NDUFS4: variants seen among roughly 807,000 people sequenced by gnomAD.
NDUFS4 encodes the protein NADH dehydrogenase [ubiquinone] iron-sulfur protein 4, mitochondrial.
In NDUFS4, 28 loss-of-function variants were observed where a neutral mutation model predicts 24.3. The ratio of observed to expected loss-of-function variants is 1.15; its 90% confidence interval spans 0.85 to 1.58. NDUFS4 has a LOEUF of 1.58. Ranked by LOEUF, NDUFS4 falls within the 40% of genes most tolerant of loss-of-function variation. The probability of loss-of-function intolerance (pLI) is 0.00; values close to 1 mark genes in which losing one functional copy is unlikely to be tolerated. For missense variants in NDUFS4, 223 were observed against 207.9 expected, an observed-to-expected ratio of 1.07 and a Z score of -0.45; for synonymous variants, 93 against 69.7, an observed-to-expected ratio of 1.34 and a Z score of -1.67.
chr5:53,612,850 G>T (rs919532202), intron 2 of NDUFS4, among the ~76,000 whole-genome samples: 2 of 151,962 alleles, frequency 1.3e-5, no homozygotes, highest in African/African-American at 4.8e-5. Flanking sequence ...TTTATTACTC[G>T]AACTTATTCT....
chr5:53,641,200 TG>T (rs1751697706), intron 2 of NDUFS4, among the ~76,000 whole-genome samples: 1 of 152,126 alleles, frequency 6.6e-6, no homozygotes, highest in Admixed American at 6.6e-5. Context: ...TCATACATGA[TG>T]AAAAAGGAGT....
At chr5:53,612,003 A>AT (rs1428795874) in intron 2 of NDUFS4, among the ~76,000 whole-genome samples, 1 of 152,040 alleles carries the variant, frequency 6.6e-6, no homozygotes, top group Admixed American at 6.6e-5. Flanking sequence ...TTTTTAGCCC[A>AT]TTTTTTACAC....
intron 3 of NDUFS4, among the ~76,000 whole-genome samples, chr5:53,646,962 C>T (rs1019050116): frequency 2.6e-5 from 4 of 151,794 alleles, no homozygotes. Flanking sequence ...TGGAACTTGT[C>T]CCCCCTCAGA....
At chr5:53,604,721 T>C (rs1750443261) in intron 2 of NDUFS4, 1 of 456,040 alleles carries the variant, frequency 2.2e-6, no homozygotes, top group Non-Finnish European at 4.4e-6. Flanking sequence ...CCTTCCTCTC[T>C]AGGTTTATCT....
intron 2 of NDUFS4, among the ~76,000 whole-genome samples, chr5:53,618,395 A>G (rs985900141): frequency 6.6e-6 from 1 of 152,134 alleles, no homozygotes; most frequent in Admixed American, 6.5e-5. Context: ...TATAATTATT[A>G]TTCTTAATCA....
chr5:53,607,922 TAG>T (rs1175442856), intron 2 of NDUFS4, among the ~76,000 whole-genome samples: 3 of 152,200 alleles, frequency 2.0e-5, no homozygotes, highest in South Asian at 2.1e-4. Context: ...TTTTCAAAAA[TAG>T]AGTTTTTTAA....
chr5:53,617,049 G>T (rs1750861770), intron 2 of NDUFS4, among the ~76,000 whole-genome samples: 1 of 152,086 alleles, frequency 6.6e-6, no homozygotes, highest in South Asian at 2.1e-4. Flanking sequence ...TCTCTGCCCT[G>T]CCCCCTTCTC....
chr5:53,620,989 A>G (rs1018147648), intron 2 of NDUFS4, among the ~76,000 whole-genome samples: 9 of 152,200 alleles, frequency 5.9e-5, no homozygotes, highest in South Asian at 2.1e-4. Flanking sequence ...CACATTTTGT[A>G]TATCTTTACC....
intron 2 of NDUFS4, among the ~76,000 whole-genome samples, chr5:53,624,928 C>T (rs1276705451): frequency 6.6e-6 from 1 of 152,022 alleles, no homozygotes; most frequent in African/African-American, 2.4e-5. Flanking sequence ...TCAGTCTTTT[C>T]TGGGTTTGTG....
Position 53,681,018 on chromosome 5 carries a change from T to G in NDUFS4, c.425-2100T>G, listed in dbSNP as rs140865444. ...AAGTGTTTTCTCCTAGGTTAGATTA[T>G]AGCTAGCTATACCCGAAACAACACA... On this transcript the variant is annotated intron_variant, in intron 4 of 4. Transcript: ENST00000296684. Among the ~76,000 whole-genome samples, 1,402 of 152,148 alleles carry G rather than the reference T, an allele frequency of 9.2e-3. 17 individuals are homozygous for G. Among genetic ancestry groups the G allele is most frequent in the African/African-American group, 0.032 (1,328 of 41,496 alleles).
intron 4 of NDUFS4, among the ~76,000 whole-genome samples, chr5:53,666,080 T>C (rs1236643148): frequency 6.6e-6 from 1 of 152,244 alleles, no homozygotes; most frequent in Non-Finnish European, 1.5e-5. Flanking sequence ...ATAATTGTTT[T>C]CAAAAGTGGT....
At chr5:53,620,866 G>C (rs72753638) in intron 2 of NDUFS4, among the ~76,000 whole-genome samples, 14,095 of 152,192 alleles carry the variant, frequency 0.093, 792 homozygotes, top group Middle Eastern at 0.13. Flanking sequence ...CTAGTGTATG[G>C]TCTGTCTTGA....
At chr5:53,621,846 C>T (rs200030796) in intron 2 of NDUFS4, among the ~76,000 whole-genome samples, 1 of 151,618 alleles carries the variant, frequency 6.6e-6, no homozygotes, top group African/African-American at 2.4e-5. Flanking sequence ...GGACTACAGG[C>T]GTGCGCCACC....
At chr5:53,615,494 A>G (rs554511730) in intron 2 of NDUFS4, among the ~76,000 whole-genome samples, 27 of 152,138 alleles carry the variant, frequency 1.8e-4, no homozygotes, top group Admixed American at 2.6e-4. Context: ...GTCTGCTTCT[A>G]TTCTACTCTT....
chr5:53,660,014 T>A lies in NDUFS4; in HGVS notation c.424+1390T>A, dbSNP rs191638152. On this transcript the variant is annotated intron_variant, in intron 4 of 4. Transcript: ENST00000296684. ...TTCTGTTATTAATAGACTTTTTTTT[T>A]ATTTAAGTTTTAGGGTACATGTGCA... 6.6e-3 allele frequency among the ~76,000 whole-genome samples: 998 copies of A among 151,574 alleles called. 18 individuals carry two copies. Among genetic ancestry groups the A allele is most frequent in the African/African-American group, 0.022 (916 of 41,414 alleles).
intron 2 of NDUFS4, among the ~76,000 whole-genome samples, chr5:53,631,569 C>T (rs1039044312): frequency 1.2e-4 from 18 of 152,270 alleles, no homozygotes; most frequent in Non-Finnish European, 1.8e-4. Context: ...GCCTTTTGTT[C>T]GGTGATGCCC....
intron 1 of NDUFS4, among the ~76,000 whole-genome samples, chr5:53,564,599 G>GTGC (rs1238217475): frequency 2.0e-5 from 3 of 152,154 alleles, no homozygotes; most frequent in Non-Finnish European, 2.9e-5. Flanking sequence ...GAGTGCAGTG[G>GTGC]CGCAATCTTG....
chr5:53,602,823 G>T (rs957356745), intron 1 of NDUFS4, among the ~76,000 whole-genome samples: 1 of 152,144 alleles, frequency 6.6e-6, no homozygotes, highest in African/African-American at 2.4e-5. Flanking sequence ...TGAAACGTCC[G>T]TTAACGTTAA....
intron 3 of NDUFS4, among the ~76,000 whole-genome samples, chr5:53,656,320 C>T (rs1049906120): frequency 1.3e-5 from 2 of 151,376 alleles, no homozygotes; most frequent in Non-Finnish European, 2.9e-5. Context: ...TCTGCCATTA[C>T]CCAAATTGGA....
Sources: allele counts gnomAD v4.1 joint callset (sites outside exome capture counted in the v4.1 genomes callset), GRCh38; gene constraint gnomAD v4.1.1; transcripts MANE v1.5; gene names NCBI Gene and HGNC (gene_info 2026-07-23, HGNC 2026-07-21).